The following BICC1 variants were observed in gnomAD, a reference collection of about 807,000 sequenced individuals.
BICC1 encodes the protein BicC family RNA binding protein 1, also known as protein bicaudal C homolog 1.
In BICC1, 43 loss-of-function variants were observed where a neutral mutation model predicts 111.0. The observed-to-expected ratio is 0.39, with a 90% CI of 0.30 to 0.50. BICC1 has a LOEUF of 0.50. Among genes scored for constraint, BICC1 ranks in the 20% least tolerant of loss-of-function variants. The pLI is 0.88. For missense variants in BICC1, 1,091 were observed against 1,203.2 expected (o/e 0.91, Z 1.38); for synonymous variants, 467 against 434.4 (o/e 1.07, Z -0.93).
chr10:58,714,064 T>G (rs1840659703), intron 3 of BICC1, among the ~76,000 whole-genome samples: 1 of 152,188 alleles, frequency 6.6e-6, no homozygotes, highest in Admixed American at 6.5e-5. Flanking sequence ...CTAAACATCC[T>G]ACCCTGCAGA....
rs1016102018 is a variant in BICC1, at chr10:58,829,441, T to A, written c.*550T>A. 1 of 152,236 alleles carries A rather than the reference T, an allele frequency of 6.6e-6. No individual in the cohort carries two copies. The highest frequency in any genetic ancestry group is 1.5e-5 in the Non-Finnish European group (1 of 68,098). 9.4% of individuals were successfully genotyped at this position (152,236 alleles called of 1,614,324 possible). ...GCTGTCTCCATCTCTCTCATTTTTG[T>A]GTCACCTAATATGTTGGTACAGATA... On this transcript the variant is annotated 3_prime_UTR_variant, in exon 21 of 21. Transcript: ENST00000373886.
At chr10:58,643,540 G>A (rs1838183405) in intron 2 of BICC1, among the ~76,000 whole-genome samples, 1 of 152,168 alleles carries the variant, frequency 6.6e-6, no homozygotes, top group Admixed American at 6.5e-5. Context: ...AGAATGGTCA[G>A]GACTTACAGT....
intron 3 of BICC1, among the ~76,000 whole-genome samples, chr10:58,731,785 A>T (rs1406143276): frequency 6.6e-6 from 1 of 151,966 alleles, no homozygotes; most frequent in Non-Finnish European, 1.5e-5. Flanking sequence ...GATCTCTCAA[A>T]AACTCACTCA....
At chr10:58,782,234 G>A (rs1842901141) in intron 3 of BICC1, among the ~76,000 whole-genome samples, 1 of 152,132 alleles carries the variant, frequency 6.6e-6, no homozygotes, top group African/African-American at 2.4e-5. Flanking sequence ...GAGGCTCCCT[G>A]TCCCTCTATG....
intron 1 of BICC1, among the ~76,000 whole-genome samples, chr10:58,521,218 A>G (rs1039734973): frequency 6.6e-6 from 1 of 152,124 alleles, no homozygotes; most frequent in Non-Finnish European, 1.5e-5. Flanking sequence ...TCAGATCCTG[A>G]TTATTAGCCA....
At chr10:58,807,299 C>T (rs1843739817) in intron 17 of BICC1, 141 bp downstream of exon 17, 5 of 744,668 alleles carry the variant, frequency 6.7e-6, no homozygotes, top group Non-Finnish European at 1.1e-5. Flanking sequence ...CTTGTAAACA[C>T]ACTGTTATAA....
At chr10:58,568,743 T>C (rs1261775799) in intron 1 of BICC1, among the ~76,000 whole-genome samples, 1 of 152,174 alleles carries the variant, frequency 6.6e-6, no homozygotes, top group Non-Finnish European at 1.5e-5. Context: ...ACTCCTGTGC[T>C]CCACTCCCTT....
chr10:58,763,392 C>T (rs1256550386), intron 3 of BICC1, among the ~76,000 whole-genome samples: 1 of 152,092 alleles, frequency 6.6e-6, no homozygotes, highest in East Asian at 1.9e-4. Flanking sequence ...CCCAAGACAG[C>T]ATCCCAAAGA....
intron 1 of BICC1, among the ~76,000 whole-genome samples, chr10:58,614,670 G>C (rs1845543004): frequency 6.6e-6 from 1 of 152,048 alleles, no homozygotes; most frequent in Non-Finnish European, 1.5e-5. Flanking sequence ...GAGGTTGAAG[G>C]GCCATTCTGT....
At chr10:58,605,702 G>C (rs545722201) in intron 1 of BICC1, among the ~76,000 whole-genome samples, 1 of 152,240 alleles carries the variant, frequency 6.6e-6, no homozygotes, top group East Asian at 1.9e-4. Context: ...TTGTTATACT[G>C]TATTGTTTAG....
chr10:58,517,173 G>A (rs1173012242), intron 1 of BICC1, among the ~76,000 whole-genome samples: 1 of 152,160 alleles, frequency 6.6e-6, no homozygotes, highest in Non-Finnish European at 1.5e-5. Context: ...AAAATGGTAA[G>A]TGTTAAAAAG....
rs879547814 is a variant in BICC1, at chr10:58,769,402, G to GTATATATATA, written c.308-15598_308-15597insATATATATAT. Among the ~76,000 whole-genome samples the GTATATATATA allele has an allele frequency of 2.6e-3, 291 of 112,196 alleles. 2 individuals are homozygous for GTATATATATA. The highest frequency in any genetic ancestry group is 7.2e-3 in the East Asian group (23 of 3,192). The allele number at this position is 112,196 out of a possible 152,430, so 73.6% of individuals were successfully genotyped here. ...TGTGTGTGTGTGTGTGTGTGTGTGT[G>GTATATATATA]TGTATATATATATATATATATATAA... On this transcript the variant is annotated intron_variant, in intron 3 of 20. Coordinates refer to ENST00000373886, the MANE Select transcript of BICC1 (RefSeq NM_001080512.3).
intron 3 of BICC1, among the ~76,000 whole-genome samples, chr10:58,722,324 C>G (rs759865825): frequency 1.3e-5 from 2 of 152,122 alleles, no homozygotes; most frequent in Non-Finnish European, 2.9e-5. Flanking sequence ...CTATTTTGAA[C>G]CTTATTCTAG....
chr10:58,551,725 C>T (rs1344978411), intron 1 of BICC1, among the ~76,000 whole-genome samples: 1 of 152,140 alleles, frequency 6.6e-6, no homozygotes, highest in African/African-American at 2.4e-5. Flanking sequence ...TTAGATTTCG[C>T]ATATAAGTGA....
chr10:58,689,743 G>A (rs1352903349), intron 2 of BICC1, among the ~76,000 whole-genome samples: 2 of 152,206 alleles, frequency 1.3e-5, no homozygotes, highest in African/African-American at 4.8e-5. Context: ...GAGGACAGAA[G>A]TTAGTGGAAC....
intron 4 of BICC1, among the ~76,000 whole-genome samples, chr10:58,786,042 C>T (rs1421143456): frequency 6.6e-6 from 1 of 152,082 alleles, no homozygotes; most frequent in South Asian, 2.1e-4. Flanking sequence ...AAGAACTAAA[C>T]TTAAAAATCA....
intron 3 of BICC1, among the ~76,000 whole-genome samples, chr10:58,775,380 AAAC>A (rs1842722666): frequency 1.3e-5 from 2 of 151,112 alleles, no homozygotes; most frequent in African/African-American, 4.9e-5. Context: ...TCTCAAAAAA[AAAC>A]AAAAAACAAA....
chr10:58,756,340 C>T (rs954552012), intron 3 of BICC1, among the ~76,000 whole-genome samples: 3 of 152,074 alleles, frequency 2.0e-5, no homozygotes, highest in African/African-American at 7.2e-5. Context: ...AAATGAAACT[C>T]GCTGTTTTGT....
Position 58,554,817 on chromosome 10 carries a change from G to A in BICC1, c.190+41484G>A, listed in dbSNP as rs199947482. On this transcript the variant is annotated intron_variant, in intron 1 of 20. Coordinates refer to ENST00000373886, the MANE Select transcript of BICC1 (RefSeq NM_001080512.3). ...TGATTTTTTTTTTTTTGCCTCTCTA[G>A]CCTTGTTAGAATTACATTTAATTTT... 1.9e-4 allele frequency among the ~76,000 whole-genome samples: 28 copies of A among 149,372 alleles called. No homozygotes were observed. In the East Asian group the frequency reaches 5.5e-3, roughly 29 times the overall value.
Sources: allele counts gnomAD v4.1 joint callset (sites outside exome capture counted in the v4.1 genomes callset), GRCh38; gene constraint gnomAD v4.1.1; transcripts MANE v1.5; gene names NCBI Gene and HGNC (gene_info 2026-07-23, HGNC 2026-07-21).